Variants in UBE2D3 observed in about 807,000 individuals in gnomAD.
The protein encoded by UBE2D3 is ubiquitin conjugating enzyme E2 D3.
Under a neutral mutation model 22.8 loss-of-function variants are expected in UBE2D3, and 2 were observed. The ratio of observed to expected loss-of-function variants is 0.09; its 90% CI spans 0.04 to 0.28. The LOEUF is 0.28. UBE2D3 is among the 10% of genes least tolerant of loss of function. UBE2D3 has a pLI of 1.00. For missense variants in UBE2D3, 27 were observed against 182.5 expected (o/e 0.15, Z 4.91); for synonymous variants, 56 against 60.4 (o/e 0.93, Z 0.34).
intron 6 of UBE2D3, among the ~76,000 whole-genome samples, chr4:102,800,196 G>C (rs566639169): frequency 6.6e-6 from 1 of 152,014 alleles, no homozygotes; most frequent in Non-Finnish European, 1.5e-5. Flanking sequence ...AAAATGTTAA[G>C]ATATAAATGC....
chr4:102,821,289 G>A (rs1294756966), intron 2 of UBE2D3, among the ~76,000 whole-genome samples: 1 of 152,038 alleles, frequency 6.6e-6, no homozygotes, highest in Non-Finnish European at 1.5e-5. Flanking sequence ...AAAAAATACA[G>A]TATAGAAAAT....
At chr4:102,803,909 C>T (rs1726595805) in intron 4 of UBE2D3, among the ~76,000 whole-genome samples, 1 of 152,124 alleles carries the variant, frequency 6.6e-6, no homozygotes, top group Non-Finnish European at 1.5e-5. Flanking sequence ...GCTGGGATTA[C>T]ACATATGCAC....
intron 2 of UBE2D3, chr4:102,825,332 C>CA: frequency 6.0e-6 from 6 of 995,188 alleles, no homozygotes; most frequent in Non-Finnish European, 7.2e-6. Flanking sequence ...GATTGTGCAA[C>CA]AACCAAACAC....
chr4:102,798,493 T>C (rs142864334), intron 7 of UBE2D3, among the ~76,000 whole-genome samples: 1 of 151,548 alleles, frequency 6.6e-6, no homozygotes, highest in Non-Finnish European at 1.5e-5. Context: ...AGCCACAAAG[T>C]ACAGCTGACG....
intron 2 of UBE2D3, among the ~76,000 whole-genome samples, chr4:102,815,067 G>A (rs1560860309): frequency 6.6e-6 from 1 of 151,728 alleles, no homozygotes; most frequent in Non-Finnish European, 1.5e-5. Flanking sequence ...TTTGGAGATG[G>A]AGTTTCACTC....
At chr4:102,846,815 T>TG (rs1198006880) in intron 1 of UBE2D3, among the ~76,000 whole-genome samples, 2 of 151,964 alleles carry the variant, frequency 1.3e-5, no homozygotes, top group Non-Finnish European at 2.9e-5. Flanking sequence ...AATTAAATTT[T>TG]TTTTTTTTTT....
At chr4:102,829,301 T>G (rs1730978189), upstream of UBE2D3, among the ~76,000 whole-genome samples, 1 of 152,218 alleles carries the variant, frequency 6.6e-6, no homozygotes, top group Non-Finnish European at 1.5e-5. Context: ...TAACTGCTCA[T>G]GAGGCTCACC....
At chr4:102,831,754 A>C (rs565018690), upstream of UBE2D3, among the ~76,000 whole-genome samples, 1 of 152,178 alleles carries the variant, frequency 6.6e-6, no homozygotes. Context: ...AGGTTAAAAA[A>C]ATATATATTT....
chr4:102,806,255 CAT>C (rs1477451516), intron 4 of UBE2D3, among the ~76,000 whole-genome samples: 3 of 152,192 alleles, frequency 2.0e-5, no homozygotes, highest in South Asian at 4.2e-4. Flanking sequence ...ATATGGATAA[CAT>C]ATCTTTTTCT....
intron 2 of UBE2D3, among the ~76,000 whole-genome samples, chr4:102,822,546 G>A (rs1193255967): frequency 2.6e-5 from 4 of 152,198 alleles, no homozygotes; most frequent in Admixed American, 6.5e-5. Context: ...TATAACCTAA[G>A]AGTAAAGCTA....
intron 4 of UBE2D3, among the ~76,000 whole-genome samples, chr4:102,804,625 G>GT (rs1252462455): frequency 3.9e-5 from 6 of 152,112 alleles, no homozygotes; most frequent in Non-Finnish European, 8.8e-5. Flanking sequence ...TACAAGATAT[G>GT]TTTTTTCTGT....
At chr4:102,811,629 G>A (rs1479281727) in intron 2 of UBE2D3, 8 of 315,176 alleles carry the variant, frequency 2.5e-5, no homozygotes, top group Middle Eastern at 1.0e-3. Context: ...TGCAGATCGC[G>A]CCACTGCACT....
intron 2 of UBE2D3, among the ~76,000 whole-genome samples, chr4:102,821,830 A>C (rs1459999159): frequency 6.6e-6 from 1 of 152,208 alleles, no homozygotes; most frequent in Non-Finnish European, 1.5e-5. Context: ...CTGGAATATA[A>C]ATGTAATTCA....
chr4:102,820,922 T>C (rs1412334508), intron 2 of UBE2D3, among the ~76,000 whole-genome samples: 1 of 152,196 alleles, frequency 6.6e-6, no homozygotes, highest in Non-Finnish European at 1.5e-5. Context: ...AATTCAGCTA[T>C]GAAAAGTTGA....
chr4:102,863,385 C>T (rs1488900021), intron 1 of UBE2D3, among the ~76,000 whole-genome samples: 1 of 151,980 alleles, frequency 6.6e-6, no homozygotes, highest in Non-Finnish European at 1.5e-5. Context: ...CTCACAGGAG[C>T]GAACAGAGTA....
At chr4:102,822,462 G>A (rs1484158210) in intron 2 of UBE2D3, among the ~76,000 whole-genome samples, 1 of 152,174 alleles carries the variant, frequency 6.6e-6, no homozygotes, top group Non-Finnish European at 1.5e-5. Flanking sequence ...TGCTTGAAGA[G>A]ACTACCCCAA....
chr4:102,810,979 CT>C, intron 2 of UBE2D3: 1 of 152,240 alleles, frequency 6.6e-6, no homozygotes. Context: ...AGTCTAGGGA[CT>C]ACTATATCTT....
chr4:102,803,566 C>T (rs1472290034), intron 4 of UBE2D3, among the ~76,000 whole-genome samples: 1 of 152,200 alleles, frequency 6.6e-6, no homozygotes, highest in Non-Finnish European at 1.5e-5. Flanking sequence ...AATCTAACCC[C>T]TTGCTATATA....
intron 4 of UBE2D3, 86 bp downstream of exon 4, chr4:102,809,586 T>G (rs979127319): frequency 2.2e-6 from 3 of 1,335,758 alleles, no homozygotes; most frequent in Non-Finnish European, 3.1e-6. Flanking sequence ...TATGATAAAA[T>G]AAACCTACAG....
Sources: gnomAD v4.1 joint callset for allele counts (sites outside exome capture counted in the v4.1 genomes callset) on GRCh38, gnomAD v4.1.1 for gene constraint, MANE v1.5 for transcripts, NCBI Gene and HGNC (gene_info 2026-07-23, HGNC 2026-07-21) for gene names.